Variants in CMSS1 observed in about 807,000 individuals in gnomAD.
The protein encoded by CMSS1 is protein CMSS1.
In CMSS1, 33 loss-of-function variants were observed where a neutral mutation model predicts 43.5. That is an observed-to-expected ratio of 0.76 (90% CI 0.57 to 1.01). The LOEUF is 1.01. Ranked by LOEUF, CMSS1 falls within the 50% of genes least tolerant of loss-of-function variation. The probability of loss-of-function intolerance (pLI) is 0.00; values close to 1 mark genes in which losing one functional copy is unlikely to be tolerated. For synonymous variants in CMSS1, 115 were observed against 117.2 expected, an observed-to-expected ratio of 0.98 and a Z score of 0.12; for missense variants, 313 against 326.4, an observed-to-expected ratio of 0.96 and a Z score of 0.32.
intron 1 of CMSS1, among the ~76,000 whole-genome samples, chr3:99,826,407 T>C (rs1193798730): frequency 2.6e-5 from 4 of 152,232 alleles, no homozygotes; most frequent in African/African-American, 9.6e-5. Context: ...GCTGTTGCAG[T>C]GTAAAAGCAG....
chr3:100,110,494 C>G (rs1244470131), intron 1 of CMSS1, among the ~76,000 whole-genome samples: 1 of 152,008 alleles, frequency 6.6e-6, no homozygotes, highest in African/African-American at 2.4e-5. Context: ...CATTTCAAGC[C>G]ACAAATAGAG....
At chr3:99,888,436 A>G (rs1311921980) in intron 1 of CMSS1, among the ~76,000 whole-genome samples, 11 of 152,188 alleles carry the variant, frequency 7.2e-5, no homozygotes, top group African/African-American at 2.7e-4. Flanking sequence ...ATGATTTACC[A>G]AAGGTTCTTC....
chr3:99,915,410 A>T (rs904225087), intron 1 of CMSS1, among the ~76,000 whole-genome samples: 1 of 152,196 alleles, frequency 6.6e-6, no homozygotes. Flanking sequence ...GATTTTTCAT[A>T]ATAACTTTAG....
intron 2 of CMSS1, among the ~76,000 whole-genome samples, chr3:100,157,812 T>C (rs1449504595): frequency 6.6e-6 from 1 of 152,178 alleles, no homozygotes; most frequent in Non-Finnish European, 1.5e-5. Context: ...GGGTAGGAGA[T>C]ATCACCTAGT....
intron 1 of CMSS1, among the ~76,000 whole-genome samples, chr3:99,883,406 T>C (rs1325714812): frequency 6.6e-6 from 1 of 152,204 alleles, no homozygotes; most frequent in Non-Finnish European, 1.5e-5. Flanking sequence ...ATTTTAGTCT[T>C]TTCACACCCT....
chr3:99,874,899 GTTATC>G (rs1212559408), intron 1 of CMSS1, among the ~76,000 whole-genome samples: 2 of 152,154 alleles, frequency 1.3e-5, no homozygotes, highest in Admixed American at 6.5e-5. Flanking sequence ...CCTCCAAACA[GTTATC>G]TTATATGGTC....
chr3:99,954,535 G>T (rs1708265067), intron 1 of CMSS1, among the ~76,000 whole-genome samples: 1 of 152,202 alleles, frequency 6.6e-6, no homozygotes, highest in Admixed American at 6.5e-5. Flanking sequence ...TATAAAATAA[G>T]AATAACTGGG....
chr3:100,025,123 A>G (rs997089158), intron 1 of CMSS1, among the ~76,000 whole-genome samples: 11 of 152,202 alleles, frequency 7.2e-5, no homozygotes, highest in African/African-American at 2.7e-4. Context: ...CGAGGCCGTA[A>G]GATTTCCCAA....
intron 1 of CMSS1, among the ~76,000 whole-genome samples, chr3:100,045,374 A>G (rs1440766707): frequency 6.6e-6 from 1 of 152,216 alleles, no homozygotes; most frequent in Non-Finnish European, 1.5e-5. Flanking sequence ...CTAATTGACA[A>G]AGAGGAGAGT....
chr3:100,060,021 C>T (rs1347345101), intron 1 of CMSS1, among the ~76,000 whole-genome samples: 1 of 149,668 alleles, frequency 6.7e-6, no homozygotes, highest in Non-Finnish European at 1.5e-5. Context: ...AGGCAGTTTT[C>T]CTGCTGGAGG....
At chr3:100,130,313 G>A (rs568704331) in intron 1 of CMSS1, among the ~76,000 whole-genome samples, 1 of 152,270 alleles carries the variant, frequency 6.6e-6, no homozygotes, top group South Asian at 2.1e-4. Flanking sequence ...TCTACTGGAT[G>A]TTTCAGTGCA....
intron 1 of CMSS1, among the ~76,000 whole-genome samples, chr3:99,896,061 G>A (rs1576555072): frequency 6.6e-6 from 1 of 152,056 alleles, no homozygotes; most frequent in East Asian, 1.9e-4. Context: ...GGATGTCTTT[G>A]TGATTACACA....
In CMSS1 at chr3:100,080,705, G is replaced by A. The variant is rs9862384; in HGVS notation, c.65-66268G>A. On this transcript the variant is annotated intron_variant, in intron 1 of 9. Coordinates refer to ENST00000421999, the MANE Select transcript of CMSS1 (RefSeq NM_032359.4). ...GTGGGTTTGTCACATGATTAGAATC[G>A]ATGCCATTTCTTGGTCATATCAGCT... 5.3e-3 allele frequency among the ~76,000 whole-genome samples: 806 copies of A among 152,284 alleles called. 6 individuals are homozygous for A. The highest frequency in any genetic ancestry group is 0.018 in the African/African-American group (758 of 41,542).
intron 1 of CMSS1, among the ~76,000 whole-genome samples, chr3:99,928,220 C>A (rs1441187730): frequency 1.3e-5 from 2 of 152,194 alleles, no homozygotes; most frequent in African/African-American, 2.4e-5. Context: ...GGCAGAATTC[C>A]CCTTCACTGT....
At chr3:100,109,158 G>A (rs1319351677) in intron 1 of CMSS1, among the ~76,000 whole-genome samples, 1 of 150,980 alleles carries the variant, frequency 6.6e-6, no homozygotes, top group Non-Finnish European at 1.5e-5. Flanking sequence ...GTAAATCAAG[G>A]TGGTTGGACT....
chr3:100,125,634 G>A (rs1430952255), intron 1 of CMSS1, among the ~76,000 whole-genome samples: 2 of 152,188 alleles, frequency 1.3e-5, no homozygotes, highest in South Asian at 2.1e-4. Context: ...GTTTCCACTT[G>A]TCTCTCTCTT....
intron 1 of CMSS1, among the ~76,000 whole-genome samples, chr3:100,006,480 A>G (rs1709989682): frequency 6.6e-6 from 1 of 152,082 alleles, no homozygotes; most frequent in South Asian, 2.1e-4. Flanking sequence ...TGAGGTTATC[A>G]TCTATAATTT....
intron 1 of CMSS1, among the ~76,000 whole-genome samples, chr3:99,882,585 C>A (rs1705764771): frequency 6.6e-6 from 1 of 152,116 alleles, no homozygotes; most frequent in African/African-American, 2.4e-5. Context: ...CTCTCTGTTC[C>A]CATTTTTAAA....
chr3:99,998,864 C>T (rs538991818), intron 1 of CMSS1, among the ~76,000 whole-genome samples: 107 of 152,268 alleles, frequency 7.0e-4, no homozygotes, highest in Non-Finnish European at 1.1e-3. Flanking sequence ...CCACCGCGCC[C>T]GGCCATGGTT....
Sources: allele counts gnomAD v4.1 joint callset (sites outside exome capture counted in the v4.1 genomes callset), GRCh38; gene constraint gnomAD v4.1.1; transcripts MANE v1.5; gene names NCBI Gene and HGNC (gene_info 2026-07-23, HGNC 2026-07-21).